SOX13: variants seen among roughly 807,000 people sequenced by gnomAD.
SOX13 encodes the protein transcription factor SOX-13.
Under a neutral mutation model 71.8 loss-of-function variants are expected in SOX13, and 28 were observed. The ratio of observed to expected loss-of-function variants is 0.39; its 90% confidence interval spans 0.29 to 0.53. The LOEUF (loss-of-function observed/expected upper bound fraction) is 0.53, where lower values mean the gene tolerates loss of function less well. SOX13 is among the 20% of genes least tolerant of loss of function. The pLI, the probability that SOX13 is intolerant of heterozygous loss-of-function variation, is 0.70. For missense variants in SOX13, 627 were observed against 810.3 expected, an observed-to-expected ratio of 0.77 and a Z score of 2.75; for synonymous variants, 309 against 317.8, an observed-to-expected ratio of 0.97 and a Z score of 0.29.
chr1:204,115,231 C>T (rs1006845558), intron 4 of SOX13, among the ~76,000 whole-genome samples: 5 of 151,226 alleles, frequency 3.3e-5, no homozygotes, highest in Non-Finnish European at 7.4e-5. Flanking sequence ...TGGTCTCGAA[C>T]CCCTGGGCCT....
At chr1:204,108,168 A>G (rs1482460076) in intron 1 of SOX13, among the ~76,000 whole-genome samples, 1 of 152,206 alleles carries the variant, frequency 6.6e-6, no homozygotes, top group Admixed American at 6.5e-5. Context: ...ATAAAAAGAA[A>G]TAGGTGAAAT....
chr1:204,087,338 G>T (rs1474442131), intron 1 of SOX13, among the ~76,000 whole-genome samples: 1 of 152,204 alleles, frequency 6.6e-6, no homozygotes, highest in Admixed American at 6.5e-5. Flanking sequence ...GGGGTCAGGT[G>T]CCTGCCTTCC....
At chr1:204,118,379 T>G (rs1398620037) in intron 7 of SOX13, 1 of 151,470 alleles carries the variant, frequency 6.6e-6, no homozygotes, top group African/African-American at 2.4e-5. Context: ...TGAGACAGAG[T>G]CTTACTTGTT....
intron 1 of SOX13, among the ~76,000 whole-genome samples, chr1:204,091,375 C>T (rs1656140918): frequency 1.3e-5 from 2 of 152,302 alleles, no homozygotes; most frequent in Admixed American, 1.3e-4. Context: ...TTATATTGTT[C>T]AGGATCGAGG....
intron 1 of SOX13, among the ~76,000 whole-genome samples, chr1:204,088,747 G>T (rs565009018): frequency 6.6e-6 from 1 of 152,240 alleles, no homozygotes; most frequent in African/African-American, 2.4e-5. Context: ...CACAGGCCCA[G>T]CCTCCCCTCT....
rs201671514 is a variant in SOX13, at chr1:204,126,064, G to T, written c.1799G>T (p.Arg600Leu). The T allele has an allele frequency of 6.2e-7, 1 of 1,613,988 alleles. No homozygotes were observed. The highest frequency in any genetic ancestry group is 8.5e-7 in the Non-Finnish European group (1 of 1,179,882). ...RHSVADGEMY[R>L]YSEDEDSEGE... ...TCGGTGGCTGATGGCGAGATGTACCGGTACAGCGAGGACGAGGACTCGGAG... is the reference window on the plus strand; with the variant it reads ...TCGGTGGCTGATGGCGAGATGTACCTGTACAGCGAGGACGAGGACTCGGAG... Residue 600 changes from arginine to leucine, a missense_variant, in exon 14 of 14, where the codon CGG becomes CTG. By Grantham distance (102) the Arg-to-Leu change is moderately radical. This residue lies in a region of SOX13 where 148 missense variants were observed against 192.7 expected (regional missense o/e 0.77). Coordinates refer to ENST00000367204, the MANE Select transcript of SOX13 (RefSeq NM_005686.3).
In SOX13 at chr1:204,113,063, G is replaced by C. The variant is rs763556503; in HGVS notation, c.148G>C (p.Asp50His). ...SATAAEPQPG[D>H]PARASQDSAD... is the part of the protein sequence containing the mutation. ...CACTGCCGCTGAACCTCAGCCTGGA[G>C]ACCCAGCCCGGGCCTCCCAGGATAG... Residue 50 changes from aspartate to histidine, a missense_variant, in exon 2 of 14, where the codon GAC becomes CAC. This residue lies in a region of SOX13 where 447 missense variants were observed against 532.2 expected (regional missense o/e 0.84). Coordinates refer to ENST00000367204, the MANE Select transcript of SOX13 (RefSeq NM_005686.3). 1 of 1,606,076 alleles carries C rather than the reference G, an allele frequency of 6.2e-7. No individual in the cohort carries two copies. Among genetic ancestry groups the C allele is most frequent in the Non-Finnish European group, 8.5e-7 (1 of 1,176,840 alleles).
In SOX13 at chr1:204,123,721, T is replaced by C; in HGVS notation, c.1292T>C (p.Phe431Ser). 6.2e-7 allele frequency: 1 copy of C among 1,614,200 alleles called. No homozygotes were observed. The highest frequency in any genetic ancestry group is 8.5e-7 in the Non-Finnish European group (1 of 1,180,040). Residue 431 changes from phenylalanine to serine, a missense_variant, in exon 12 of 14, where the codon TTC becomes TCC. By Grantham distance (155) the Phe-to-Ser change is radical. Coordinates refer to ENST00000367204, the MANE Select transcript of SOX13 (RefSeq NM_005686.3). The surrounding 1 kb of genome is among the most constrained non-coding windows in gnomAD (Gnocchi z 5.0). ...SSHIKRPMNA[F>S]MVWAKDERRK... ...CACATCAAGAGGCCCATGAACGCCT[T>C]CATGGTGTGGGCCAAGGATGAGCGG... is the stretch of plus-strand genomic sequence containing the variant.
In SOX13 at chr1:204,114,556, G is replaced by C; in HGVS notation, c.369G>C (p.Trp123Cys). 2 of 1,613,946 alleles carry C rather than the reference G, an allele frequency of 1.2e-6. 1 individual carries two copies. The highest frequency in any genetic ancestry group is 2.2e-5 in the South Asian group (2 of 91,078). ...PAIEKLLSSD[W>C]KERFLGRNSM... ...TAGAGAAGCTGTTGTCCAGTGACTG[G>C]AAGGAGAGGTTTCTAGGAAGGAACT... The change falls in exon 4 of 14, where the codon TGG (tryptophan) becomes TGC (cysteine). Residue 123 changes from tryptophan to cysteine, a missense_variant. Around this residue, in one of 3 missense-constraint regions of SOX13, gnomAD observed 447 missense variants for 532.2 expected, o/e 0.84. Coordinates refer to ENST00000367204, the MANE Select transcript of SOX13 (RefSeq NM_005686.3).
At chr1:204,080,819 G>C (rs1312278771) in intron 1 of SOX13, among the ~76,000 whole-genome samples, 3 of 152,010 alleles carry the variant, frequency 2.0e-5, no homozygotes, top group Non-Finnish European at 4.4e-5. Flanking sequence ...ACCATGCGGG[G>C]CAGGTGCTGA....
Position 204,124,866 on chromosome 1 carries a change from G to GCCCC in SOX13, c.1592+13_1592+16dup. 1 of 1,550,590 alleles carries GCCCC rather than the reference G, an allele frequency of 6.4e-7. No homozygotes were observed. Among genetic ancestry groups the GCCCC allele is most frequent in the Non-Finnish European group, 8.7e-7 (1 of 1,145,020 alleles). On this transcript the variant is annotated intron_variant, in intron 13 of 13. Coordinates refer to ENST00000367204, the MANE Select transcript of SOX13 (RefSeq NM_005686.3). Reference sequence around the variant, plus strand: ...CAGAGCTACGTGATCCCGTGAGCAGGCCCCCCCGCAGGCAGCCAGGAGACT... The same window carrying GCCCC: ...CAGAGCTACGTGATCCCGTGAGCAGGCCCCCCCCCCCGCAGGCAGCCAGGAGACT...
At position 204,122,325 on chromosome 1, in the gene SOX13, G is replaced by A. The variant is rs1257385296; in HGVS notation, c.950G>A (p.Ser317Asn). 8 of 1,571,938 alleles carry A rather than the reference G, an allele frequency of 5.1e-6. No individual in the cohort carries two copies. Among genetic ancestry groups the A allele is most frequent in the Non-Finnish European group, 6.9e-6 (8 of 1,157,760 alleles). Reference sequence around the variant, plus strand: ...AGCTCCCCAAGCCTGAAGATGAGCAGCTGTGTGCCCCGCCCCCCCAGCCAT... The same window carrying A: ...AGCTCCCCAAGCCTGAAGATGAGCAACTGTGTGCCCCGCCCCCCCAGCCAT... Reference protein sequence around the residue: ...TSSSPSLKMSSCVPRPPSHGG... With the variant: ...TSSSPSLKMSNCVPRPPSHGG... Residue 317 changes from serine (S) to asparagine (N), a missense_variant, in exon 9 of 14, where the codon AGC becomes AAC. By Grantham distance (46) the Ser-to-Asn change is conservative (BLOSUM62 1). Around this residue, in one of 3 missense-constraint regions of SOX13, gnomAD observed 447 missense variants for 532.2 expected, o/e 0.84. Transcript: ENST00000367204.
At chr1:204,093,317 A>G (rs1656183675) in intron 1 of SOX13, among the ~76,000 whole-genome samples, 1 of 152,226 alleles carries the variant, frequency 6.6e-6, no homozygotes, top group Admixed American at 6.5e-5. Context: ...GTTCTACACT[A>G]CACAGGATTG....
In SOX13 at chr1:204,073,517, G is replaced by A. The variant is rs1655712154; in HGVS notation, c.-196G>A. Reference sequence around the variant, plus strand: ...GGGCGCGGACCCAGGGTGGCCGTGGGTCCGCAGCGACTCCCCGGCCGACGG... The same window carrying A: ...GGGCGCGGACCCAGGGTGGCCGTGGATCCGCAGCGACTCCCCGGCCGACGG... On this transcript the variant is annotated 5_prime_UTR_variant, in exon 1 of 14. Transcript: ENST00000367204. The surrounding 1 kb of genome is among the most constrained non-coding windows in gnomAD (Gnocchi z 6.8). 6.6e-6 allele frequency: 1 copy of A among 151,602 alleles called. No homozygotes were observed. The highest frequency in any genetic ancestry group is 1.5e-5 in the Non-Finnish European group (1 of 67,822). The allele number at this position is 151,602 out of a possible 1,614,324, so 9.4% of individuals were successfully genotyped here.
chr1:204,095,777 T>G (rs185553983), intron 1 of SOX13, among the ~76,000 whole-genome samples: 1 of 152,254 alleles, frequency 6.6e-6, no homozygotes, highest in Admixed American at 6.5e-5. Context: ...CCATGGAACT[T>G]TTTCATCTTC....
intron 1 of SOX13, among the ~76,000 whole-genome samples, chr1:204,090,944 G>A (rs903276805): frequency 2.0e-5 from 3 of 152,124 alleles, no homozygotes; most frequent in Admixed American, 6.5e-5. Flanking sequence ...GCAGTTAGGC[G>A]GAGACCATCC....
chr1:204,116,800 C>A, intron 5 of SOX13, 121 bp downstream of exon 5: 1 of 1,508,600 alleles, frequency 6.6e-7, no homozygotes, highest in Non-Finnish European at 8.9e-7. Flanking sequence ...GCAGGCTGGG[C>A]AGGGTCTGTG....
At chr1:204,116,827 T>C (rs1256497172) in intron 5 of SOX13, 148 bp downstream of exon 5, 5 of 1,404,074 alleles carry the variant, frequency 3.6e-6, no homozygotes, top group Non-Finnish European at 4.8e-6. Context: ...GGCTGTAGGA[T>C]TCCCACCTGG....
intron 1 of SOX13, among the ~76,000 whole-genome samples, chr1:204,105,578 G>A (rs1439741411): frequency 6.6e-6 from 1 of 152,000 alleles, no homozygotes. Context: ...GCTAATTTTT[G>A]TATTTTTAGT....
Sources: gnomAD v4.1 joint callset for allele counts (sites outside exome capture counted in the v4.1 genomes callset) on GRCh38, gnomAD v4.1.1 for gene constraint, gnomAD v4.1.1 regional missense constraint, Gnocchi (gnomAD v3.1) non-coding constraint, MANE v1.5 for transcripts, NCBI Gene and HGNC (gene_info 2026-07-23, HGNC 2026-07-21) for gene names.